Variants in DNAH6 observed in about 807,000 individuals in gnomAD.
DNAH6 encodes dynein axonemal heavy chain 6.
Under a neutral mutation model 491.4 loss-of-function variants are expected in DNAH6, and 340 were observed. The observed-to-expected ratio is 0.69, with a 90% CI of 0.63 to 0.76. The LOEUF (loss-of-function observed/expected upper bound fraction) is 0.76. Ranked by LOEUF, DNAH6 falls within the 30% of genes least tolerant of loss-of-function variation. DNAH6 has a pLI of 0.00. For synonymous variants in DNAH6, 1,603 were observed against 1,686.1 expected, an observed-to-expected ratio of 0.95 and a Z score of 1.21; for missense variants, 4,443 against 4,972.2, an observed-to-expected ratio of 0.89 and a Z score of 3.20.
chr2:84,527,426 T>C (rs78475917), intron 3 of DNAH6, among the ~76,000 whole-genome samples: 5,020 of 152,236 alleles, frequency 0.033, 125 homozygotes, highest in Non-Finnish European at 0.047. Context: ...GAGGAAAATA[T>C]CTAACCCTGT....
intron 57 of DNAH6, among the ~76,000 whole-genome samples, chr2:84,715,058 A>G (rs1433099753): frequency 6.6e-6 from 1 of 152,032 alleles, no homozygotes; most frequent in Non-Finnish European, 1.5e-5. Flanking sequence ...TTGTTTATCA[A>G]TAATAGCTTC....
At chr2:84,576,297 A>C (rs1362336477) in intron 12 of DNAH6, among the ~76,000 whole-genome samples, 1 of 152,118 alleles carries the variant, frequency 6.6e-6, no homozygotes, top group Admixed American at 6.5e-5. Flanking sequence ...TAACTTTCCC[A>C]AGGCCACACA....
At chr2:84,671,351 G>T (rs1184650619) in intron 39 of DNAH6, among the ~76,000 whole-genome samples, 1 of 152,128 alleles carries the variant, frequency 6.6e-6, no homozygotes, top group Admixed American at 6.5e-5. Flanking sequence ...CAGGACCTCA[G>T]CCCTCACTCT....
Position 84,596,212 on chromosome 2 carries a change from C to T in DNAH6, c.2868+423C>T, listed in dbSNP as rs114446551. 4.3e-3 allele frequency among the ~76,000 whole-genome samples: 657 copies of T among 152,300 alleles called. 3 individuals are homozygous for T. The highest frequency in any genetic ancestry group is 0.015 in the African/African-American group (615 of 41,560). On this transcript the variant is annotated intron_variant, in intron 18 of 76. Coordinates refer to ENST00000389394, the MANE Select transcript of DNAH6 (RefSeq NM_001370.2). ...TGAAGGAAGTTGGGAAGCCAGGCTGCAGGTGTACAGGTCTGAATTTTTGAA... is the reference window on the plus strand; with the variant it reads ...TGAAGGAAGTTGGGAAGCCAGGCTGTAGGTGTACAGGTCTGAATTTTTGAA...
chr2:84,608,215 C>A (rs12469207), intron 21 of DNAH6, among the ~76,000 whole-genome samples: 2,236 of 63,130 alleles, frequency 0.035, 26 homozygotes, highest in Non-Finnish European at 0.06. Context: ...GCAGTTATTT[C>A]CTCCACTGAA....
At chr2:84,679,039 T>G (rs972243192) in intron 41 of DNAH6, among the ~76,000 whole-genome samples, 4 of 152,104 alleles carry the variant, frequency 2.6e-5, no homozygotes, top group African/African-American at 9.7e-5. Flanking sequence ...CATTACTGTT[T>G]GGAGGAAAAA....
At chr2:84,549,607 A>G (rs1220358064) in intron 8 of DNAH6, among the ~76,000 whole-genome samples, 1 of 152,216 alleles carries the variant, frequency 6.6e-6, no homozygotes, top group Admixed American at 6.5e-5. Context: ...AACTAGATGC[A>G]TTTTCCCTAA....
intron 53 of DNAH6, 40 bp from the exon 54 acceptor site, chr2:84,707,480 T>C: frequency 2.7e-6 from 4 of 1,475,044 alleles, no homozygotes; most frequent in South Asian, 1.4e-5. Context: ...TTTATGAAAA[T>C]ATTTAATAGT....
Position 84,686,481 on chromosome 2 carries a change from T to C in DNAH6, c.7064-3T>C. 2 of 1,507,976 alleles carry C rather than the reference T, an allele frequency of 1.3e-6. No individual in the cohort carries two copies. Among genetic ancestry groups the C allele is most frequent in the Admixed American group, 2.0e-5 (1 of 49,706 alleles). The allele number at this position is 1,507,976 out of a possible 1,614,324, so 93.4% of individuals were successfully genotyped here. A position where few individuals can be genotyped will look rare whatever the true frequency, so the allele number is the denominator to read the frequency against. Reference sequence around the variant, plus strand: ...TTAAAACTTGGTTTTGTTCTTTAAATAGACAAACATTTTGGAATTGCAATT... The same window carrying C: ...TTAAAACTTGGTTTTGTTCTTTAAACAGACAAACATTTTGGAATTGCAATT... On this transcript the variant is annotated splice_region_variant and splice_polypyrimidine_tract_variant and intron_variant, in intron 43 of 76. Transcript: ENST00000389394.
chr2:84,515,585 TC>T (rs1166233727), upstream of DNAH6, among the ~76,000 whole-genome samples: 2 of 152,172 alleles, frequency 1.3e-5, no homozygotes, highest in Non-Finnish European at 2.9e-5. Context: ...GAAACAAATA[TC>T]AAGGTAACAA....
intron 64 of DNAH6, among the ~76,000 whole-genome samples, chr2:84,771,983 TAAA>T (rs953906352): frequency 4.6e-5 from 7 of 152,106 alleles, no homozygotes; most frequent in Non-Finnish European, 8.8e-5. Context: ...TGTATATAAT[TAAA>T]AAGGCAAAAG....
intron 4 of DNAH6, among the ~76,000 whole-genome samples, chr2:84,531,035 A>G (rs1236763726): frequency 6.6e-6 from 1 of 152,148 alleles, no homozygotes; most frequent in Non-Finnish European, 1.5e-5. Context: ...GACACGAGAC[A>G]TCAATTAATA....
In DNAH6 at chr2:84,653,163, T is replaced by A. The variant is rs374779503; in HGVS notation, c.5079-156T>A. Among the ~76,000 whole-genome samples, 30 of 152,178 alleles carry A rather than the reference T, an allele frequency of 2.0e-4. No homozygotes were observed. In the East Asian group the frequency reaches 4.1e-3, roughly 21 times the overall value. On this transcript the variant is annotated intron_variant, in intron 33 of 76. Coordinates refer to ENST00000389394, the MANE Select transcript of DNAH6 (RefSeq NM_001370.2). ...ACATGATATCAGAGAAATGATAGAT[T>A]CTGGTACAGCACATAGGACAAACTA...
In DNAH6 at chr2:84,710,338, A is replaced by G; in HGVS notation, c.9304A>G (p.Lys3102Glu). Residue 3102 changes from lysine to glutamate, a missense_variant, in exon 56 of 77, where the codon AAG becomes GAG. By Grantham distance (56) the Lys-to-Glu change is moderately conservative (BLOSUM62 1). This residue lies in a region of DNAH6 where 1,463 missense variants were observed against 1,656.6 expected (regional missense o/e 0.88). Coordinates refer to ENST00000389394, the MANE Select transcript of DNAH6 (RefSeq NM_001370.2). ...KESKSGLKII[K>E]LTDSNFLRIL... ...AAGCAAAAGTGGTTTAAAGATCATTAAGCTTACAGATAGTAATTTCTTACG... is the reference window on the plus strand; with the variant it reads ...AAGCAAAAGTGGTTTAAAGATCATTGAGCTTACAGATAGTAATTTCTTACG... 6.4e-7 allele frequency: 1 copy of G among 1,551,732 alleles called. No individual in the cohort carries two copies. Among genetic ancestry groups the G allele is most frequent in the Non-Finnish European group, 8.7e-7 (1 of 1,146,976 alleles).
chr2:84,549,823 G>T, intron 8 of DNAH6, 66 bp from the exon 9 acceptor site: 2 of 1,150,254 alleles, frequency 1.7e-6, no homozygotes, highest in Non-Finnish European at 2.5e-6. Flanking sequence ...TTGCTTTAGA[G>T]ACACTGTCAA....
chr2:84,601,229 G>A (rs1303849647), intron 18 of DNAH6, among the ~76,000 whole-genome samples: 1 of 48,246 alleles, frequency 2.1e-5, no homozygotes, highest in Non-Finnish European at 7.8e-5. Context: ...AAAGCCATAA[G>A]AATTTTAGGC....
At chr2:84,476,668 A>G in the DNAH6 span, among the ~76,000 whole-genome samples, 6 of 152,140 alleles carry the variant, frequency 3.9e-5, no homozygotes, top group African/African-American at 1.2e-4. Context: ...TGAGACTGGA[A>G]TTTTTGCTCC....
At chr2:84,745,815 A>G (rs150611260) in intron 63 of DNAH6, among the ~76,000 whole-genome samples, 148 of 152,034 alleles carry the variant, frequency 9.7e-4, no homozygotes, top group African/African-American at 3.4e-3. Context: ...TGCTGGAGGG[A>G]TGGAGTCTGT....
chr2:84,473,793 C>G, the DNAH6 span, among the ~76,000 whole-genome samples: 3 of 152,130 alleles, frequency 2.0e-5, no homozygotes, highest in African/African-American at 7.2e-5. Flanking sequence ...TGGATTTTAT[C>G]GGGGGCTATA....
Sources: allele counts gnomAD v4.1 joint callset (sites outside exome capture counted in the v4.1 genomes callset), GRCh38; gene constraint gnomAD v4.1.1; regional missense constraint gnomAD v4.1.1; transcripts MANE v1.5; gene names NCBI Gene and HGNC (gene_info 2026-07-23, HGNC 2026-07-21).